Variants in TYW1B observed in about 807,000 individuals in gnomAD.
TYW1B encodes the protein S-adenosyl-L-methionine-dependent tRNA 4-demethylwyosine synthase TYW1B.
Under a neutral mutation model 86.9 loss-of-function variants are expected in TYW1B, and 73 were observed. The observed-to-expected ratio is 0.84, with a 90% CI of 0.70 to 1.02. TYW1B has a LOEUF of 1.02. Ranked by LOEUF, TYW1B falls within the 50% of genes least tolerant of loss-of-function variation. The pLI is 0.00. For missense variants in TYW1B, 637 were observed against 827.4 expected, an observed-to-expected ratio of 0.77 and a Z score of 2.82; for synonymous variants, 248 against 292.8, an observed-to-expected ratio of 0.85 and a Z score of 1.56.
chr7:72,608,068 CT>C (rs1260742155), intron 13 of TYW1B, among the ~76,000 whole-genome samples: 1 of 152,188 alleles, frequency 6.6e-6, no homozygotes, highest in Non-Finnish European at 1.5e-5. Flanking sequence ...ATCCAGAATA[CT>C]TTACCTACCA....
At position 72,823,069 on chromosome 7, in the gene TYW1B, G is replaced by A. The variant is rs538238334; in HGVS notation, c.135+3786C>T. On this transcript the variant is annotated intron_variant, in intron 2 of 13. Coordinates refer to ENST00000620995, the MANE Select transcript of TYW1B (RefSeq NM_001145440.3). Reference sequence around the variant, plus strand: ...GCCACCCAGGCTGGAGTGCAGTGGTGCAATCTAGGCTCACTGCAACCTCCA... The same window carrying A: ...GCCACCCAGGCTGGAGTGCAGTGGTACAATCTAGGCTCACTGCAACCTCCA... The A allele has an allele frequency of 2.2e-4, 33 of 151,450 alleles. No individual in the cohort carries two copies. In the South Asian group the frequency reaches 6.7e-3, roughly 31 times the overall value. 9.4% of individuals were successfully genotyped at this position (151,450 alleles called of 1,614,324 possible).
chr7:72,816,525 T>C (rs1326153946), intron 2 of TYW1B, among the ~76,000 whole-genome samples: 1 of 152,182 alleles, frequency 6.6e-6, no homozygotes, highest in Non-Finnish European at 1.5e-5. Context: ...GAGCAGCCAC[T>C]ACAACAAAAG....
chr7:72,645,021 G>A (rs1230481237), intron 11 of TYW1B, among the ~76,000 whole-genome samples: 1 of 152,066 alleles, frequency 6.6e-6, no homozygotes, highest in Non-Finnish European at 1.5e-5. Context: ...TAGAGATGCG[G>A]TTTCACCGTG....
chr7:72,663,761 CAAAAAAAAAAAA>C (rs1177247717), intron 11 of TYW1B, among the ~76,000 whole-genome samples: 1 of 57,846 alleles, frequency 1.7e-5, no homozygotes, highest in Non-Finnish European at 2.9e-5. Flanking sequence ...GACTCCATCT[CAAAAAAAAAAAA>C]AAAAAAAAAA....
intron 9 of TYW1B, among the ~76,000 whole-genome samples, chr7:72,716,161 T>G (rs2154642): frequency 6.6e-6 from 1 of 151,640 alleles, no homozygotes; most frequent in Non-Finnish European, 1.5e-5. Context: ...ATGGTCTCGA[T>G]CTCCTGACCT....
chr7:72,637,635 CTT>C (rs1405391245), intron 11 of TYW1B, among the ~76,000 whole-genome samples: 1 of 149,532 alleles, frequency 6.7e-6, no homozygotes, highest in African/African-American at 2.5e-5. Flanking sequence ...AATTTCTGCT[CTT>C]TTTGTTTCCT....
At chr7:72,698,599 T>A (rs1246118174) in intron 10 of TYW1B, among the ~76,000 whole-genome samples, 2 of 145,422 alleles carry the variant, frequency 1.4e-5, no homozygotes, top group African/African-American at 5.2e-5. Context: ...TGAGCCGAGA[T>A]CACGCCACTG....
chr7:72,702,988 A>ATCTATC (rs1451595951), intron 10 of TYW1B, among the ~76,000 whole-genome samples: 6 of 12,410 alleles, frequency 4.8e-4, no homozygotes, highest in African/African-American at 1.0e-3. Flanking sequence ...CTATCTATCT[A>ATCTATC]TATATATATA....
At chr7:72,828,042 C>A in intron 1 of TYW1B, 30 bp downstream of exon 1, 2 of 1,613,604 alleles carry the variant, frequency 1.2e-6, no homozygotes, top group South Asian at 1.1e-5. Flanking sequence ...CCCTGCCGCC[C>A]CAGGGTCCTT....
chr7:72,692,223 A>G (rs2129570215), intron 11 of TYW1B, among the ~76,000 whole-genome samples: 1 of 151,588 alleles, frequency 6.6e-6, no homozygotes, highest in African/African-American at 2.4e-5. Flanking sequence ...AAAAAAAAAA[A>G]AAAAAGAAGA....
chr7:72,662,237 T>C (rs1353935685), intron 11 of TYW1B, among the ~76,000 whole-genome samples: 3 of 152,230 alleles, frequency 2.0e-5, no homozygotes, highest in Admixed American at 6.5e-5. Context: ...TGCTTTCTGG[T>C]GATATAAATC....
At chr7:72,799,586 C>T (rs1788369672) in intron 6 of TYW1B, among the ~76,000 whole-genome samples, 1 of 152,104 alleles carries the variant, frequency 6.6e-6, no homozygotes, top group African/African-American at 2.4e-5. Context: ...TTGCCTCAGC[C>T]TCCCAAGTAG....
intron 2 of TYW1B, among the ~76,000 whole-genome samples, chr7:72,826,211 G>C (rs1378793714): frequency 6.6e-6 from 1 of 152,192 alleles, no homozygotes; most frequent in Non-Finnish European, 1.5e-5. Context: ...TTTTGGAACA[G>C]ATTTTTCCTG....
intron 11 of TYW1B, among the ~76,000 whole-genome samples, chr7:72,674,182 T>A (rs372790059): frequency 6.6e-6 from 1 of 152,100 alleles, no homozygotes. Context: ...CAGCCCATTC[T>A]CAGAAAGTCA....
At position 72,575,451 on chromosome 7, in the gene TYW1B, G is replaced by C. The variant is rs782576918; in HGVS notation, c.*47C>G. On this transcript the variant is annotated 3_prime_UTR_variant, in exon 14 of 14. Transcript: ENST00000620995. ...TCAGAGTGGTGTTCAAGAACCTTTTGAGGCCATCCAAGTTTTTGTCCTTCA... is the reference window on the plus strand; with the variant it reads ...TCAGAGTGGTGTTCAAGAACCTTTTCAGGCCATCCAAGTTTTTGTCCTTCA... The C allele has an allele frequency of 6.3e-7, 1 of 1,583,034 alleles. No individual in the cohort carries two copies. Among genetic ancestry groups the C allele is most frequent in the Non-Finnish European group, 8.6e-7 (1 of 1,167,194 alleles).
chr7:72,575,676 C>T lies in TYW1B; in HGVS notation c.1829G>A (p.Arg610His), dbSNP rs781814988. 18 of 1,612,328 alleles carry T rather than the reference C, an allele frequency of 1.1e-5. No homozygotes were observed. The highest frequency in any genetic ancestry group is 8.4e-5 in the Admixed American group (5 of 59,822). Residue 610 changes from arginine (R) to histidine (H), a missense_variant, in exon 14 of 14, where the codon CGC becomes CAC. Transcript: ENST00000620995. Reference sequence around the variant, plus strand: ...ATATTCCTGGATGAGCTCCTGGAAGCGGTTATAATCGATCCATGTCCACCA... The same window carrying T: ...ATATTCCTGGATGAGCTCCTGGAAGTGGTTATAATCGATCCATGTCCACCA... ...GEWWTWIDYN[R>H]FQELIQEYED... is the part of the protein sequence containing the mutation.
At chr7:72,733,376 T>C (rs1554460288) in intron 8 of TYW1B, among the ~76,000 whole-genome samples, 2 of 152,140 alleles carry the variant, frequency 1.3e-5, no homozygotes, top group Non-Finnish European at 2.9e-5. Context: ...ATAAAAATCC[T>C]TGGCCGGGCG....
chr7:72,745,822 C>T (rs1484166515), intron 7 of TYW1B, among the ~76,000 whole-genome samples: 7 of 149,550 alleles, frequency 4.7e-5, no homozygotes, highest in South Asian at 2.1e-4. Context: ...AGCAGAGACA[C>T]GAATGAGTAG....
rs1554442228 is a variant in TYW1B at position 72,647,772 on chromosome 7, C to A, written c.1507-18775G>T. Among the ~76,000 whole-genome samples the A allele has an allele frequency of 5.9e-5, 9 of 152,064 alleles. 1 individual carries two copies. The stretch of plus-strand genomic sequence containing the variant: ...CCATCATAGCTCACTGCAGCCTCGA[C>A]TTCCCAGGCTCAAACCATCCTCCCA... On this transcript the variant is annotated intron_variant, in intron 11 of 13. Transcript: ENST00000620995.
Sources: allele counts gnomAD v4.1 joint callset (sites outside exome capture counted in the v4.1 genomes callset), GRCh38; gene constraint gnomAD v4.1.1; transcripts MANE v1.5; gene names NCBI Gene and HGNC (gene_info 2026-07-23, HGNC 2026-07-21).